Variants in GSE1 observed in about 807,000 individuals in gnomAD.
The protein encoded by GSE1 is Gse1 coiled-coil protein.
In GSE1, 32 loss-of-function variants were observed where a neutral mutation model predicts 112.6. That is an observed-to-expected ratio of 0.28 (90% CI 0.21 to 0.38). GSE1 has a LOEUF of 0.38. Among genes scored for constraint, GSE1 ranks in the 10% least tolerant of loss-of-function variants. The probability of loss-of-function intolerance (pLI) is 1.00; values close to 1 mark genes in which losing one functional copy is unlikely to be tolerated. For synonymous variants in GSE1, 1,115 were observed against 735.6 expected, an observed-to-expected ratio of 1.52 and a Z score of -8.35; for missense variants, 2,348 against 1,699.2, an observed-to-expected ratio of 1.38 and a Z score of -6.71.
chr16:85,293,727 G>T (rs1182244217), intron 1 of GSE1, among the ~76,000 whole-genome samples: 1 of 152,128 alleles, frequency 6.6e-6, no homozygotes, highest in Non-Finnish European at 1.5e-5. Context: ...AGTCCTTGGG[G>T]TTCCTTGGCT....
intron 1 of GSE1, among the ~76,000 whole-genome samples, chr16:85,218,122 G>A (rs2075334263): frequency 1.3e-5 from 2 of 151,984 alleles, no homozygotes; most frequent in South Asian, 4.2e-4. Context: ...GGCTGGTCTC[G>A]AACTCCTGGC....
intron 2 of GSE1, among the ~76,000 whole-genome samples, chr16:85,486,242 C>T (rs912012520): frequency 4.6e-5 from 7 of 152,326 alleles, no homozygotes; most frequent in East Asian, 1.9e-4. Context: ...TGCACACTCA[C>T]ACACTCATTC....
At chr16:85,611,708 A>G (rs1348358830), upstream of GSE1, among the ~76,000 whole-genome samples, 3 of 152,048 alleles carry the variant, frequency 2.0e-5, no homozygotes, top group Non-Finnish European at 4.4e-5. Flanking sequence ...GGAGCCCGCC[A>G]GACCCTGCCC....
intron 1 of GSE1, among the ~76,000 whole-genome samples, chr16:85,347,049 G>A (rs1420485828): frequency 6.6e-6 from 1 of 152,190 alleles, no homozygotes; most frequent in Non-Finnish European, 1.5e-5. Context: ...CAGAACTTTG[G>A]TAAGGGGTTG....
rs1226963440 is a variant in GSE1 at position 85,655,782 on chromosome 16, C to A, written c.854C>A (p.Thr285Asn). 2 of 1,607,246 alleles carry A rather than the reference C, an allele frequency of 1.2e-6. No homozygotes were observed. The highest frequency in any genetic ancestry group is 1.3e-5 in the African/African-American group (1 of 74,752). ...AGGTCCCCGTTCTACCCCATCCCCA[C>A]CCCCGGCTCCCTGCCCCCACTGCAC... The part of the protein sequence containing the change: ...ALRSPFYPIP[T>N]PGSLPPLHPS... Residue 285 changes from threonine to asparagine, a missense_variant, in exon 6 of 16, where the codon ACC becomes AAC. By Grantham distance (65) the Thr-to-Asn change is moderately conservative (BLOSUM62 0). Coordinates refer to ENST00000253458, the MANE Select transcript of GSE1 (RefSeq NM_014615.5).
chr16:85,434,434 A>C (rs2049196843), intron 2 of GSE1, among the ~76,000 whole-genome samples: 1 of 152,084 alleles, frequency 6.6e-6, no homozygotes, highest in African/African-American at 2.4e-5. Context: ...CCAGTAAGGG[A>C]AGGACTGCTG....
chr16:85,209,027 C>T (rs144845340), intron 1 of GSE1, among the ~76,000 whole-genome samples: 736 of 147,084 alleles, frequency 5.0e-3, no homozygotes, highest in Non-Finnish European at 8.6e-3. Context: ...TGTTGGGGTT[C>T]GCCTGTGTTG....
At chr16:85,354,263 T>C (rs1273666612) in intron 1 of GSE1, among the ~76,000 whole-genome samples, 1 of 152,220 alleles carries the variant, frequency 6.6e-6, no homozygotes, top group African/African-American at 2.4e-5. Context: ...TGTCTGAAGT[T>C]ACAGACAACT....
chr16:85,524,010 C>T (rs572903471), intron 2 of GSE1, among the ~76,000 whole-genome samples: 9 of 152,202 alleles, frequency 5.9e-5, no homozygotes, highest in Non-Finnish European at 1.2e-4. Flanking sequence ...TCCGAGACCC[C>T]TGTGTGCCTG....
chr16:85,527,394 A>C (rs10863205), intron 2 of GSE1, among the ~76,000 whole-genome samples: 54,532 of 152,236 alleles, frequency 0.36, 10,102 homozygotes, highest in South Asian at 0.56. Flanking sequence ...CCTCTCCCAG[A>C]GAAGAAGCTG....
At chr16:85,516,882 C>T (rs999226066) in intron 2 of GSE1, among the ~76,000 whole-genome samples, 12 of 151,304 alleles carry the variant, frequency 7.9e-5, no homozygotes, top group African/African-American at 2.9e-4. Flanking sequence ...ACTGCAAGCT[C>T]CGCCTCCCGG....
chr16:85,247,505 G>C (rs756180506), intron 1 of GSE1, among the ~76,000 whole-genome samples: 7 of 152,144 alleles, frequency 4.6e-5, no homozygotes, highest in Admixed American at 2.0e-4. Context: ...GGCCGGACCC[G>C]CACGTCATGC....
At chr16:85,539,684 T>G (rs763424523) in intron 2 of GSE1, among the ~76,000 whole-genome samples, 36 of 152,180 alleles carry the variant, frequency 2.4e-4, no homozygotes, top group Non-Finnish European at 4.1e-4. Context: ...CACAGAGACA[T>G]GTCACGTTGA....
intron 1 of GSE1, among the ~76,000 whole-genome samples, chr16:85,267,113 C>T (rs1908327820): frequency 6.6e-6 from 1 of 152,166 alleles, no homozygotes; most frequent in Admixed American, 6.5e-5. Context: ...TTGCACGAGC[C>T]TTGGTGGGAA....
At chr16:85,387,460 A>G (rs1458173790) in intron 2 of GSE1, among the ~76,000 whole-genome samples, 1 of 151,930 alleles carries the variant, frequency 6.6e-6, no homozygotes, top group Non-Finnish European at 1.5e-5. Flanking sequence ...TCAGCCTGCG[A>G]TGCTCTTTCC....
At chr16:85,331,359 GTGTGTGTATATA>G (rs1259989305) in intron 1 of GSE1, among the ~76,000 whole-genome samples, 28 of 54,492 alleles carry the variant, frequency 5.1e-4, no homozygotes, top group South Asian at 2.3e-3. Flanking sequence ...GTGTGTGTGT[GTGTGTGTATATA>G]TGTATATATA....
intron 2 of GSE1, among the ~76,000 whole-genome samples, chr16:85,366,676 G>T (rs778531574): frequency 6.6e-6 from 1 of 152,188 alleles, no homozygotes; most frequent in Non-Finnish European, 1.5e-5. Flanking sequence ...TCCCTCAGCT[G>T]GTTCCCTTGC....
intron 1 of GSE1, among the ~76,000 whole-genome samples, chr16:85,289,659 G>C (rs1156922167): frequency 1.3e-5 from 2 of 152,326 alleles, no homozygotes; most frequent in East Asian, 1.9e-4. Flanking sequence ...AAGCAACGGG[G>C]TGGTGGTGGG....
chr16:85,493,155 G>A (rs1461319288), intron 2 of GSE1, among the ~76,000 whole-genome samples: 1 of 152,220 alleles, frequency 6.6e-6, no homozygotes, highest in East Asian at 1.9e-4. Flanking sequence ...GCCCCAGGCA[G>A]AACTTTGCTG....
Sources: allele counts gnomAD v4.1 joint callset (sites outside exome capture counted in the v4.1 genomes callset), GRCh38; gene constraint gnomAD v4.1.1; transcripts MANE v1.5; gene names NCBI Gene and HGNC (gene_info 2026-07-23, HGNC 2026-07-21).